The following OTOGL variants were observed in gnomAD, a reference collection of about 807,000 sequenced individuals.
The protein encoded by OTOGL is otogelin like, also known as otogelin-like protein.
In OTOGL, 285 loss-of-function variants were observed where a neutral mutation model predicts 318.5. The ratio of observed to expected loss-of-function variants is 0.89; its 90% CI spans 0.81 to 0.99. OTOGL has a LOEUF of 0.99. Ranked by LOEUF, OTOGL falls within the 50% of genes least tolerant of loss-of-function variation. The pLI is 0.00. For missense variants in OTOGL, 2,899 were observed against 2,845.6 expected (o/e 1.02, Z -0.43); for synonymous variants, 987 against 936.5 (o/e 1.05, Z -0.99).
In OTOGL at chr12:80,184,374, A is replaced by T. The variant is rs572206434; in HGVS notation, c.-19-25039A>T. Among the ~76,000 whole-genome samples the T allele has an allele frequency of 2.6e-5, 4 of 152,328 alleles. No individual in the cohort carries two copies. The East Asian group carries it at 7.7e-4, about 29-fold the overall frequency. On this transcript the variant is annotated intron_variant, in intron 1 of 58. Transcript: ENST00000547103. The stretch of plus-strand genomic sequence containing the variant: ...CTATAGTTAAGTGGCAGAATAATAT[A>T]TATCTTAATATTTTTCATTCTAGCT...
At chr12:80,265,421 G>A in intron 20 of OTOGL, 1 of 569,174 alleles carries the variant, frequency 1.8e-6, no homozygotes, top group Non-Finnish European at 3.1e-6. Flanking sequence ...GACTAGTTTT[G>A]TAATAAACGA....
intron 29 of OTOGL, among the ~76,000 whole-genome samples, chr12:80,307,962 C>A (rs1371420550): frequency 2.2e-5 from 3 of 138,646 alleles, no homozygotes; most frequent in African/African-American, 8.9e-5. Context: ...GCTGGCCGGG[C>A]AGAGGGGCTC....
intron 1 of OTOGL, among the ~76,000 whole-genome samples, chr12:80,111,595 C>G (rs1222030088): frequency 6.6e-6 from 1 of 152,080 alleles, no homozygotes. Context: ...CTGTTCTGTT[C>G]CATTGGTCTA....
intron 1 of OTOGL, among the ~76,000 whole-genome samples, chr12:80,191,318 A>C (rs892034230): frequency 6.6e-6 from 1 of 152,264 alleles, no homozygotes. Flanking sequence ...GGCAGCTGTA[A>C]TCCCAGCTAC....
At chr12:80,119,835 C>G (rs994196909) in intron 1 of OTOGL, among the ~76,000 whole-genome samples, 1 of 152,138 alleles carries the variant, frequency 6.6e-6, no homozygotes, top group African/African-American at 2.4e-5. Flanking sequence ...AGATTATGTT[C>G]ACTCTACTCA....
At chr12:80,314,029 G>A (rs531790285) in intron 31 of OTOGL, among the ~76,000 whole-genome samples, 82 of 152,158 alleles carry the variant, frequency 5.4e-4, no homozygotes, top group African/African-American at 1.9e-3. Flanking sequence ...TACTTGTGTA[G>A]GTGGTAAGAT....
chr12:80,174,938 C>CA (rs5799456), intron 1 of OTOGL, among the ~76,000 whole-genome samples: 56,663 of 149,814 alleles, frequency 0.38, 12,423 homozygotes, highest in Admixed American at 0.53. Context: ...GGTAAACAAA[C>CA]AAAAAAAAAC....
intron 18 of OTOGL, among the ~76,000 whole-genome samples, chr12:80,260,085 G>C (rs1369702974): frequency 6.6e-6 from 1 of 151,978 alleles, no homozygotes; most frequent in Non-Finnish European, 1.5e-5. Flanking sequence ...GTATTCTTAG[G>C]AACTAGCATA....
At chr12:80,164,409 C>T (rs774614226) in intron 1 of OTOGL, among the ~76,000 whole-genome samples, 1 of 152,264 alleles carries the variant, frequency 6.6e-6, no homozygotes, top group Non-Finnish European at 1.5e-5. Context: ...GATTAGAATT[C>T]AGTCTCTTTC....
chr12:80,293,534 A>G (rs1233503376), intron 26 of OTOGL, among the ~76,000 whole-genome samples: 1 of 152,144 alleles, frequency 6.6e-6, no homozygotes, highest in African/African-American at 2.4e-5. Context: ...TGTAACTTGG[A>G]CAATCTCTGT....
At chr12:80,209,657 C>A in intron 2 of OTOGL, 147 bp downstream of exon 2, 1 of 469,766 alleles carries the variant, frequency 2.1e-6, no homozygotes, top group African/African-American at 2.0e-5. Context: ...TTAAAAAATT[C>A]TTAATAATGT....
At chr12:80,331,675 A>G (rs756930029) in intron 37 of OTOGL, among the ~76,000 whole-genome samples, 10 of 152,116 alleles carry the variant, frequency 6.6e-5, no homozygotes, top group Non-Finnish European at 1.3e-4. Context: ...TCGTTGTGGT[A>G]TGCTGAATAA....
intron 1 of OTOGL, among the ~76,000 whole-genome samples, chr12:80,206,192 A>C (rs999878270): frequency 6.6e-6 from 1 of 152,236 alleles, no homozygotes; most frequent in East Asian, 1.9e-4. Flanking sequence ...ACATGTAGCA[A>C]CAGTCATAAA....
chr12:80,293,718 C>A (rs554030325), intron 26 of OTOGL, among the ~76,000 whole-genome samples: 1 of 151,778 alleles, frequency 6.6e-6, no homozygotes, highest in Admixed American at 6.6e-5. Flanking sequence ...GTTTATTCAC[C>A]CTCAGATCTT....
intron 26 of OTOGL, among the ~76,000 whole-genome samples, chr12:80,295,979 A>G (rs1213616999): frequency 6.6e-6 from 1 of 152,210 alleles, no homozygotes; most frequent in Non-Finnish European, 1.5e-5. Flanking sequence ...CTTTGATTCT[A>G]AAGAGTGACT....
At chr12:80,113,804 A>T (rs1382002260) in intron 1 of OTOGL, among the ~76,000 whole-genome samples, 1 of 152,132 alleles carries the variant, frequency 6.6e-6, no homozygotes, top group Non-Finnish European at 1.5e-5. Flanking sequence ...GTGCTCCTGT[A>T]TTGGGTGCAT....
At chr12:80,138,578 C>T (rs1871726425) in intron 1 of OTOGL, among the ~76,000 whole-genome samples, 1 of 152,060 alleles carries the variant, frequency 6.6e-6, no homozygotes, top group Non-Finnish European at 1.5e-5. Context: ...AGAGCTTTTA[C>T]TGCCAGTTGC....
chr12:80,165,152 A>T (rs1873754565), intron 1 of OTOGL, among the ~76,000 whole-genome samples: 1 of 152,152 alleles, frequency 6.6e-6, no homozygotes, highest in African/African-American at 2.4e-5. Context: ...AAAATTTGCA[A>T]GATATTTCTT....
intron 27 of OTOGL, among the ~76,000 whole-genome samples, 175 bp from the exon 28 acceptor site, chr12:80,302,459 T>C (rs1885825725): frequency 6.6e-6 from 1 of 152,226 alleles, no homozygotes; most frequent in Non-Finnish European, 1.5e-5. Context: ...AATATTTATG[T>C]ATTTCCTATT....
Sources: allele counts gnomAD v4.1 joint callset (sites outside exome capture counted in the v4.1 genomes callset), GRCh38; gene constraint gnomAD v4.1.1; transcripts MANE v1.5; gene names NCBI Gene and HGNC (gene_info 2026-07-23, HGNC 2026-07-21).